MED15: variants seen among roughly 807,000 people sequenced by gnomAD.
MED15 encodes mediator complex subunit 15.
A neutral mutation model predicts 118.7 loss-of-function variants in MED15; 41 were observed. The ratio of observed to expected loss-of-function variants is 0.35; its 90% CI spans 0.27 to 0.45. MED15 has a LOEUF of 0.45. Among genes scored for constraint, MED15 ranks in the 20% least tolerant of loss-of-function variants. The pLI, the probability that MED15 is intolerant of heterozygous loss-of-function variation, is 1.00. For synonymous variants in MED15, 436 were observed against 413.9 expected, an observed-to-expected ratio of 1.05 and a Z score of -0.65; for missense variants, 740 against 1,025.5, an observed-to-expected ratio of 0.72 and a Z score of 3.80.
intron 1 of MED15, chr22:20,523,832 G>C: frequency 2.0e-6 from 2 of 985,388 alleles, no homozygotes; most frequent in Non-Finnish European, 2.4e-6. Flanking sequence ...TACACAGTTT[G>C]AAGGGCAGCA....
rs1340502925 is a variant in MED15, at chr22:20,555,121, G to T, written c.424G>T (p.Ala142Ser). The T allele has an allele frequency of 1.2e-6, 2 of 1,607,448 alleles. No individual in the cohort carries two copies. Among genetic ancestry groups the T allele is most frequent in the African/African-American group, 1.3e-5 (1 of 74,848 alleles). ...CTCGGGGATGGCCCCTCACAGCATG[G>T]CTGTCGTGTCTACGGCAACTCCACA... ...GTSGMAPHSM[A>S]VVSTATPQTQ... is the part of the protein sequence containing the mutation. Residue 142 changes from alanine to serine, a missense_variant, in exon 5 of 18, where the codon GCT (alanine) becomes TCT (serine). Coordinates refer to ENST00000263205, the MANE Select transcript of MED15 (RefSeq NM_001003891.3).
chr22:20,508,315 G>A (rs1298131858), intron 1 of MED15: 1 of 1,303,784 alleles, frequency 7.7e-7, no homozygotes, highest in African/African-American at 1.5e-5. Context: ...CGTTTCTGGA[G>A]GAGAGCGTGA....
intron 5 of MED15, among the ~76,000 whole-genome samples, chr22:20,555,390 A>T (rs962584676): frequency 1.3e-5 from 2 of 152,068 alleles, no homozygotes; most frequent in African/African-American, 4.8e-5. Flanking sequence ...GAGGGTGGGG[A>T]TGGCCTGAGA....
At chr22:20,566,352 T>C (rs1167647809) in intron 6 of MED15, 115 bp from the exon 7 acceptor site, 2 of 1,538,740 alleles carry the variant, frequency 1.3e-6, no homozygotes, top group Non-Finnish European at 1.7e-6. Flanking sequence ...GAAGGCTTTC[T>C]TGATGGCTCT....
At chr22:20,580,955 C>T (rs1434133673) in intron 9 of MED15, among the ~76,000 whole-genome samples, 1 of 152,232 alleles carries the variant, frequency 6.6e-6, no homozygotes, top group African/African-American at 2.4e-5. Context: ...GCTGGGGCTC[C>T]TGCACTCTGT....
chr22:20,526,045 G>A (rs963152503), intron 1 of MED15, among the ~76,000 whole-genome samples: 2 of 151,388 alleles, frequency 1.3e-5, no homozygotes, highest in South Asian at 2.1e-4. Context: ...CTCAGCCCCC[G>A]AGTTTCTGGG....
intron 1 of MED15, among the ~76,000 whole-genome samples, chr22:20,512,201 C>G (rs2054094782): frequency 6.6e-6 from 1 of 151,950 alleles, no homozygotes; most frequent in Non-Finnish European, 1.5e-5. Flanking sequence ...GTTGCCCAGA[C>G]TGGTCTTGAA....
At chr22:20,533,004 G>C (rs1313875151) in intron 1 of MED15, among the ~76,000 whole-genome samples, 1 of 152,176 alleles carries the variant, frequency 6.6e-6, no homozygotes, top group African/African-American at 2.4e-5. Context: ...TGGCTCGAAG[G>C]GTTTTGTTTT....
intron 1 of MED15, among the ~76,000 whole-genome samples, chr22:20,533,980 T>C (rs1208226996): frequency 1.3e-5 from 2 of 152,156 alleles, no homozygotes; most frequent in East Asian, 1.9e-4. Flanking sequence ...GGCCTGCCAG[T>C]CTGCTGACAC....
Position 20,586,559 on chromosome 22 carries a change from C to A in MED15, c.2231-9C>A. ...CCGCCTTAGGTTCACGCCCACTGCT[C>A]TGTTGCAGACGCCAACCCCTTCCTC... On this transcript the variant is annotated splice_polypyrimidine_tract_variant and intron_variant, in intron 17 of 17. Coordinates refer to ENST00000263205, the MANE Select transcript of MED15 (RefSeq NM_001003891.3). 6.2e-7 allele frequency: 1 copy of A among 1,611,788 alleles called. No individual in the cohort carries two copies.
intron 2 of MED15, among the ~76,000 whole-genome samples, chr22:20,547,304 A>G (rs1293331543): frequency 2.0e-5 from 3 of 152,164 alleles, no homozygotes; most frequent in South Asian, 2.1e-4. Flanking sequence ...TCTTTTCTCT[A>G]TATGATTCTG....
At chr22:20,545,782 A>G (rs2055509336) in intron 2 of MED15, among the ~76,000 whole-genome samples, 1 of 152,082 alleles carries the variant, frequency 6.6e-6, no homozygotes, top group African/African-American at 2.4e-5. Context: ...CCATGGGGCT[A>G]TGGATACTAT....
intron 1 of MED15, among the ~76,000 whole-genome samples, chr22:20,509,965 T>G (rs1168814423): frequency 6.6e-6 from 1 of 152,162 alleles, no homozygotes; most frequent in African/African-American, 2.4e-5. Flanking sequence ...GTTGAGTGAC[T>G]GGATACTTCA....
At chr22:20,558,738 G>A (rs1454777430) in intron 5 of MED15, among the ~76,000 whole-genome samples, 1 of 152,130 alleles carries the variant, frequency 6.6e-6, no homozygotes, top group Non-Finnish European at 1.5e-5. Context: ...GCCAGGATTT[G>A]TGCTGGGTCC....
intron 1 of MED15, among the ~76,000 whole-genome samples, chr22:20,512,954 C>G (rs2054125829): frequency 6.6e-6 from 1 of 151,954 alleles, no homozygotes; most frequent in African/African-American, 2.4e-5. Context: ...GTTGGTCAGG[C>G]TGGTCTCGAA....
intron 9 of MED15, among the ~76,000 whole-genome samples, chr22:20,577,388 C>G (rs545757301): frequency 1.6e-4 from 25 of 152,096 alleles, no homozygotes; most frequent in African/African-American, 5.5e-4. Flanking sequence ...CTAGACTTCT[C>G]ACAGGCAGCC....
chr22:20,513,336 T>C (rs2054143171), intron 1 of MED15, among the ~76,000 whole-genome samples: 1 of 151,464 alleles, frequency 6.6e-6, no homozygotes, highest in South Asian at 2.1e-4. Context: ...CTGGAGTGCA[T>C]TGGTGCGATC....
rs2054142849 is a variant in MED15 at position 20,513,330 on chromosome 22, A to T, written c.68+5584A>T. On this transcript the variant is annotated intron_variant, in intron 1 of 17. Transcript: ENST00000263205. ...AGTCTCGCCCTGTGGCCCAGGCTGG[A>T]GTGCATTGGTGCGATCTCAGCTCAC... 2.1e-5 allele frequency among the ~76,000 whole-genome samples: 3 copies of T among 145,956 alleles called. No individual in the cohort carries two copies. In the Admixed American group the frequency reaches 2.1e-4, roughly 10 times the overall value.
chr22:20,510,541 A>T (rs912693157), intron 1 of MED15, among the ~76,000 whole-genome samples: 9 of 152,132 alleles, frequency 5.9e-5, no homozygotes, highest in African/African-American at 2.2e-4. Flanking sequence ...CTTGGGGTGG[A>T]ACTTGCTTGC....
Sources: gnomAD v4.1 joint callset for allele counts (sites outside exome capture counted in the v4.1 genomes callset) on GRCh38, gnomAD v4.1.1 for gene constraint, MANE v1.5 for transcripts, NCBI Gene and HGNC (gene_info 2026-07-23, HGNC 2026-07-21) for gene names.